The following SORCS2 variants were observed in gnomAD, a reference collection of about 807,000 sequenced individuals.
SORCS2 encodes VPS10 domain-containing receptor SorCS2.
A neutral mutation model predicts 141.6 loss-of-function variants in SORCS2; 100 were observed. The ratio of observed to expected loss-of-function variants is 0.71; its 90% CI spans 0.60 to 0.83. The LOEUF (loss-of-function observed/expected upper bound fraction) is 0.83, where lower values mean the gene tolerates loss of function less well. SORCS2 is among the 40% of genes least tolerant of loss of function. The probability of loss-of-function intolerance (pLI) is 0.00; values close to 1 mark genes in which losing one functional copy is unlikely to be tolerated. For synonymous variants in SORCS2, 789 were observed against 676.9 expected (o/e 1.17, Z -2.57); for missense variants, 1,646 against 1,560.2 (o/e 1.05, Z -0.93).
At chr4:7,491,579 T>C (rs1731318289) in intron 2 of SORCS2, among the ~76,000 whole-genome samples, 3 of 152,240 alleles carry the variant, frequency 2.0e-5, no homozygotes, top group African/African-American at 7.2e-5. Context: ...TGGATTGACT[T>C]CTTCACTTTG....
At chr4:7,724,406 AGTG>A (rs1321292747) in intron 19 of SORCS2, among the ~76,000 whole-genome samples, 1 of 118,670 alleles carries the variant, frequency 8.4e-6, no homozygotes, top group African/African-American at 3.6e-5. Context: ...TGGTGATAGT[AGTG>A]GTGGGAATGG....
rs115581546 is a variant in SORCS2, at chr4:7,383,900, C to A, written c.481-12388C>A. 3.1e-3 allele frequency among the ~76,000 whole-genome samples: 473 copies of A among 152,098 alleles called. 1 individual carries two copies. Among genetic ancestry groups the A allele is most frequent in the African/African-American group, 0.011 (453 of 41,470 alleles). On this transcript the variant is annotated intron_variant, in intron 1 of 26. Coordinates refer to ENST00000507866, the MANE Select transcript of SORCS2 (RefSeq NM_020777.3). ...CTGAGGTGGAAAAGTCTACCAAGACCCACCTATTAAAATATACATTATCCC... is the reference window on the plus strand; with the variant it reads ...CTGAGGTGGAAAAGTCTACCAAGACACACCTATTAAAATATACATTATCCC...
At chr4:7,236,502 C>T (rs1287664987) in intron 1 of SORCS2, among the ~76,000 whole-genome samples, 1 of 152,118 alleles carries the variant, frequency 6.6e-6, no homozygotes, top group African/African-American at 2.4e-5. Flanking sequence ...TGAGGGGCAT[C>T]GGAGAGAATA....
chr4:7,677,831 C>A (rs994839386), intron 9 of SORCS2, among the ~76,000 whole-genome samples: 1 of 152,204 alleles, frequency 6.6e-6, no homozygotes, highest in Non-Finnish European at 1.5e-5. Flanking sequence ...GGCGGCCCTC[C>A]TCCACCTGCT....
intron 3 of SORCS2, among the ~76,000 whole-genome samples, chr4:7,637,139 C>G (rs62289059): frequency 6.6e-6 from 1 of 152,002 alleles, no homozygotes; most frequent in Non-Finnish European, 1.5e-5. Context: ...CTCCAATGAC[C>G]CTATTTCCAA....
In SORCS2 at chr4:7,447,105, C is replaced by T. The variant is rs571201257; in HGVS notation, c.548+50750C>T. On this transcript the variant is annotated intron_variant, in intron 2 of 26. Coordinates refer to ENST00000507866, the MANE Select transcript of SORCS2 (RefSeq NM_020777.3). ...ATAGAAGCAGGTCCCAAAAGGACCCCGTGTGCTCAGTTCTGGGGGCTGGAA... is the reference window on the plus strand; with the variant it reads ...ATAGAAGCAGGTCCCAAAAGGACCCTGTGTGCTCAGTTCTGGGGGCTGGAA... Among the ~76,000 whole-genome samples the T allele has an allele frequency of 4.5e-4, 68 of 152,316 alleles. No individual in the cohort carries two copies. In the South Asian group the frequency reaches 7.7e-3, roughly 17 times the overall value.
At chr4:7,557,430 A>G (rs1192535488) in intron 3 of SORCS2, among the ~76,000 whole-genome samples, 1 of 152,230 alleles carries the variant, frequency 6.6e-6, no homozygotes, top group East Asian at 1.9e-4. Flanking sequence ...TAAGGATAAG[A>G]AAAGGCTTTG....
At chr4:7,267,282 G>A (rs1279322866) in intron 1 of SORCS2, among the ~76,000 whole-genome samples, 14 of 152,178 alleles carry the variant, frequency 9.2e-5, no homozygotes, top group Non-Finnish European at 1.8e-4. Flanking sequence ...ATTCGTGGAT[G>A]CTGATTTTCA....
chr4:7,333,405 C>G (rs1024269906), intron 1 of SORCS2, among the ~76,000 whole-genome samples: 4 of 152,190 alleles, frequency 2.6e-5, no homozygotes, highest in Admixed American at 2.6e-4. Flanking sequence ...TTGGCCGGTG[C>G]GGCAGCCCAG....
intron 2 of SORCS2, among the ~76,000 whole-genome samples, chr4:7,499,326 G>T (rs1196924577): frequency 6.6e-6 from 1 of 152,188 alleles, no homozygotes; most frequent in African/African-American, 2.4e-5. Context: ...TCAGGAGGGA[G>T]TGTGATGCTG....
At chr4:7,601,561 G>C (rs1717669885) in intron 3 of SORCS2, among the ~76,000 whole-genome samples, 1 of 142,136 alleles carries the variant, frequency 7.0e-6, no homozygotes, top group Non-Finnish European at 1.5e-5. Context: ...ACAGGTTGCA[G>C]CGAGCTGAGA....
intron 2 of SORCS2, among the ~76,000 whole-genome samples, chr4:7,458,304 A>G (rs1445999287): frequency 2.6e-5 from 4 of 151,986 alleles, no homozygotes; most frequent in Non-Finnish European, 4.4e-5. Context: ...GGTACTAGGG[A>G]GACACTGAGG....
rs145823918 is a variant in SORCS2 at position 7,515,199 on chromosome 4, G to A, written c.549-16331G>A. ...GCTCCCTCCTCTGTACAGAAGGGACGCCTGAGGTCCAGTGAGTACAGTGGC... is the reference window on the plus strand; with the variant it reads ...GCTCCCTCCTCTGTACAGAAGGGACACCTGAGGTCCAGTGAGTACAGTGGC... On this transcript the variant is annotated intron_variant, in intron 2 of 26. Transcript: ENST00000507866. Among the ~76,000 whole-genome samples, 28 of 152,330 alleles carry A rather than the reference G, an allele frequency of 1.8e-4. No homozygotes were observed. The South Asian group carries it at 4.4e-3, about 24-fold the overall frequency.
chr4:7,285,332 C>T (rs1300420501), intron 1 of SORCS2, among the ~76,000 whole-genome samples: 2 of 152,194 alleles, frequency 1.3e-5, no homozygotes, highest in Non-Finnish European at 2.9e-5. Context: ...CACGCCCGGC[C>T]CCATCTCCTC....
In SORCS2 at chr4:7,506,114, C is replaced by T. The variant is rs138716016; in HGVS notation, c.549-25416C>T. On this transcript the variant is annotated intron_variant, in intron 2 of 26. Transcript: ENST00000507866. Reference sequence around the variant, plus strand: ...AGCCAGCAGGAACCATCAAGGTGATCCCAGTGGTAGGGACACTCCGGGGTC... The same window carrying T: ...AGCCAGCAGGAACCATCAAGGTGATTCCAGTGGTAGGGACACTCCGGGGTC... Among the ~76,000 whole-genome samples the T allele has an allele frequency of 6.1e-3, 923 of 152,198 alleles. 4 individuals are homozygous for T. Among genetic ancestry groups the T allele is most frequent in the Middle Eastern group, 0.027 (8 of 294 alleles).
Position 7,569,058 on chromosome 4 carries a change from G to C in SORCS2, c.648+37429G>C, listed in dbSNP as rs545790572. Among the ~76,000 whole-genome samples the C allele has an allele frequency of 2.6e-5, 4 of 152,320 alleles. No individual in the cohort carries two copies. The South Asian group carries it at 8.3e-4, about 32-fold the overall frequency. ...CTTGGGGATGTCTGTATCAGTAGCT[G>C]TGTGGCAAGCTACAGGAGCTCTGGA... On this transcript the variant is annotated intron_variant, in intron 3 of 26. Transcript: ENST00000507866.
intron 1 of SORCS2, among the ~76,000 whole-genome samples, chr4:7,291,287 G>T (rs1201749406): frequency 6.6e-6 from 1 of 152,168 alleles, no homozygotes; most frequent in Non-Finnish European, 1.5e-5. Flanking sequence ...CAGGACAGGG[G>T]TGTGGTCGTT....
intron 3 of SORCS2, among the ~76,000 whole-genome samples, chr4:7,567,562 C>T (rs1204454154): frequency 1.3e-5 from 2 of 152,150 alleles, no homozygotes; most frequent in Non-Finnish European, 2.9e-5. Context: ...CACACCAAGG[C>T]CACACCCTGC....
intron 2 of SORCS2, among the ~76,000 whole-genome samples, chr4:7,479,869 G>A (rs13353773): frequency 0.035 from 5,348 of 152,332 alleles, 322 homozygotes; most frequent in African/African-American, 0.12. Flanking sequence ...TGGTACCCAC[G>A]TGTGCTCTGT....
Sources: gnomAD v4.1 joint callset for allele counts (sites outside exome capture counted in the v4.1 genomes callset) on GRCh38, gnomAD v4.1.1 for gene constraint, MANE v1.5 for transcripts, NCBI Gene and HGNC (gene_info 2026-07-23, HGNC 2026-07-21) for gene names.